ADAMTSL1: variants seen among roughly 807,000 people sequenced by gnomAD.
ADAMTSL1 encodes the protein ADAMTS like 1, also known as ADAMTS-like protein 1.
Under a neutral mutation model 201.8 loss-of-function variants are expected in ADAMTSL1, and 126 were observed. The ratio of observed to expected loss-of-function variants is 0.62; its 90% CI spans 0.54 to 0.72. The LOEUF (loss-of-function observed/expected upper bound fraction) is 0.72, where lower values mean the gene tolerates loss of function less well. Ranked by LOEUF, ADAMTSL1 falls within the 30% of genes least tolerant of loss-of-function variation. The pLI is 0.00. For missense variants in ADAMTSL1, 2,679 were observed against 2,277.8 expected, an observed-to-expected ratio of 1.18 and a Z score of -3.59; for synonymous variants, 1,121 against 903.4, an observed-to-expected ratio of 1.24 and a Z score of -4.32.
chr9:17,957,743 A>T (rs557670055), intron 1 of ADAMTSL1, among the ~76,000 whole-genome samples: 2 of 152,294 alleles, frequency 1.3e-5, no homozygotes, highest in African/African-American at 4.8e-5. Context: ...GTGTCCATGT[A>T]AGAAGAGGAG....
chr9:18,242,122 G>A (rs1364941663), intron 2 of ADAMTSL1, among the ~76,000 whole-genome samples: 2 of 151,916 alleles, frequency 1.3e-5, no homozygotes, highest in Non-Finnish European at 2.9e-5. Context: ...TAAAATATTA[G>A]CAAACTAAAG....
intron 20 of ADAMTSL1, among the ~76,000 whole-genome samples, chr9:18,808,387 T>A (rs1055993252): frequency 6.6e-6 from 1 of 152,228 alleles, no homozygotes; most frequent in Non-Finnish European, 1.5e-5. Flanking sequence ...ACTTTGTGCT[T>A]TGTCTTAACA....
chr9:18,098,135 G>C (rs533814239), intron 1 of ADAMTSL1, among the ~76,000 whole-genome samples: 1 of 151,318 alleles, frequency 6.6e-6, no homozygotes, highest in African/African-American at 2.4e-5. Flanking sequence ...ATAAATTATG[G>C]GTATTTTTTG....
intron 14 of ADAMTSL1, among the ~76,000 whole-genome samples, chr9:18,710,984 C>G (rs1832548760): frequency 6.6e-6 from 1 of 152,068 alleles, no homozygotes; most frequent in African/African-American, 2.4e-5. Flanking sequence ...ACATATGAAA[C>G]AATCACTAAC....
chr9:18,774,102 C>T (rs1820844567), intron 17 of ADAMTSL1, among the ~76,000 whole-genome samples: 1 of 152,120 alleles, frequency 6.6e-6, no homozygotes, highest in Admixed American at 6.5e-5. Flanking sequence ...TTCAAGTTAA[C>T]GTGGCACACT....
At chr9:18,101,283 G>T (rs1044956233) in intron 1 of ADAMTSL1, among the ~76,000 whole-genome samples, 1 of 152,104 alleles carries the variant, frequency 6.6e-6, no homozygotes, top group African/African-American at 2.4e-5. Flanking sequence ...AGATCACGAG[G>T]TCAGGAGGTC....
At chr9:18,645,572 G>A (rs1186331014) in intron 7 of ADAMTSL1, among the ~76,000 whole-genome samples, 1 of 151,794 alleles carries the variant, frequency 6.6e-6, no homozygotes, top group African/African-American at 2.4e-5. Flanking sequence ...TGTATAAGGT[G>A]TGAGGAAGGG....
chr9:18,391,221 A>G (rs1200047258), intron 2 of ADAMTSL1, among the ~76,000 whole-genome samples: 3 of 152,168 alleles, frequency 2.0e-5, no homozygotes, highest in South Asian at 2.1e-4. Context: ...CCTTTTTCCT[A>G]TAAAAACTGT....
intron 15 of ADAMTSL1, among the ~76,000 whole-genome samples, chr9:18,733,735 A>G (rs1001152483): frequency 1.4e-5 from 2 of 138,752 alleles, no homozygotes; most frequent in Non-Finnish European, 3.0e-5. Flanking sequence ...TTTCTGTGCT[A>G]CTCTCTTTCT....
chr9:17,984,276 C>T (rs1818835031), intron 1 of ADAMTSL1, among the ~76,000 whole-genome samples: 1 of 152,052 alleles, frequency 6.6e-6, no homozygotes. Flanking sequence ...ATACTCTCAG[C>T]ACCCAGATTA....
chr9:18,351,005 G>C (rs959322982), intron 2 of ADAMTSL1, among the ~76,000 whole-genome samples: 1 of 152,056 alleles, frequency 6.6e-6, no homozygotes, highest in East Asian at 1.9e-4. Context: ...TGGAGAAAAC[G>C]AATTGCATCT....
intron 2 of ADAMTSL1, among the ~76,000 whole-genome samples, chr9:18,208,967 A>C (rs1407927582): frequency 6.7e-6 from 1 of 150,038 alleles, no homozygotes; most frequent in African/African-American, 2.4e-5. Context: ...GAAAACAATG[A>C]ATGACTTCAC....
chr9:17,910,073 T>C (rs1471085286), intron 1 of ADAMTSL1, among the ~76,000 whole-genome samples: 1 of 66,866 alleles, frequency 1.5e-5, no homozygotes, highest in African/African-American at 3.0e-5. Context: ...AGTCTTGACA[T>C]GTAGCTTCCA....
At chr9:18,539,935 C>T (rs1219141033) in intron 3 of ADAMTSL1, among the ~76,000 whole-genome samples, 1 of 152,116 alleles carries the variant, frequency 6.6e-6, no homozygotes, top group African/African-American at 2.4e-5. Context: ...AAAAAACTCA[C>T]CCAGACATTA....
At chr9:18,443,964 T>A (rs1820093721) in intron 2 of ADAMTSL1, among the ~76,000 whole-genome samples, 1 of 152,336 alleles carries the variant, frequency 6.6e-6, no homozygotes, top group East Asian at 1.9e-4. Context: ...ATGGAGATGA[T>A]CTTGTGTTCT....
chr9:18,886,895 T>A (rs909316097), intron 23 of ADAMTSL1, among the ~76,000 whole-genome samples: 3 of 152,220 alleles, frequency 2.0e-5, no homozygotes, highest in Non-Finnish European at 4.4e-5. Context: ...TGAGTGTACT[T>A]TCTAAAAATC....
intron 13 of ADAMTSL1, among the ~76,000 whole-genome samples, chr9:18,693,768 A>G (rs992116664): frequency 6.6e-6 from 1 of 152,176 alleles, no homozygotes; most frequent in South Asian, 2.1e-4. Flanking sequence ...GAGGGGGACA[A>G]TTATTACATA....
At chr9:18,323,685 T>G (rs2132866307) in intron 2 of ADAMTSL1, among the ~76,000 whole-genome samples, 1 of 152,322 alleles carries the variant, frequency 6.6e-6, no homozygotes, top group African/African-American at 2.4e-5. Flanking sequence ...GTTGTATTTC[T>G]GTATACTATC....
chr9:18,184,552 T>G (rs981370510), intron 2 of ADAMTSL1, among the ~76,000 whole-genome samples: 7 of 152,236 alleles, frequency 4.6e-5, no homozygotes, highest in African/African-American at 1.7e-4. Flanking sequence ...TTATTTTGCC[T>G]GTTGTCATTG....
Sources: allele counts gnomAD v4.1 joint callset (sites outside exome capture counted in the v4.1 genomes callset), GRCh38; gene constraint gnomAD v4.1.1; transcripts MANE v1.5; gene names NCBI Gene and HGNC (gene_info 2026-07-23, HGNC 2026-07-21).